Variants in RHBDF2 observed in about 807,000 individuals in gnomAD.
The protein encoded by RHBDF2 is inactive rhomboid protein 2.
Under a neutral mutation model 95.2 loss-of-function variants are expected in RHBDF2, and 38 were observed. That is an observed-to-expected ratio of 0.40 (90% CI 0.31 to 0.52). The LOEUF (loss-of-function observed/expected upper bound fraction) is 0.52. Among genes scored for constraint, RHBDF2 ranks in the 20% least tolerant of loss-of-function variants. The probability of loss-of-function intolerance (pLI) is 0.56; values close to 1 mark genes in which losing one functional copy is unlikely to be tolerated. For missense variants in RHBDF2, 863 were observed against 1,137.7 expected, an observed-to-expected ratio of 0.76 and a Z score of 3.47; for synonymous variants, 442 against 462.0, an observed-to-expected ratio of 0.96 and a Z score of 0.55.
chr17:76,471,783 C>T lies in RHBDF2; in HGVS notation c.2334G>A (p.Val778=). Reference sequence around the variant, plus strand: ...AGAGGCCGGCAAAGGCCAGCAGTGACACCAGGATGAGTGCCCGCTTGCGGT... The same window carrying T: ...AGAGGCCGGCAAAGGCCAGCAGTGATACCAGGATGAGTGCCCGCTTGCGGT... ...DKYRKRALIL[V]SLLAFAGLFA... is the part of the protein sequence containing the mutation. The change falls in exon 19 of 19, where the codon GTG becomes GTA. Residue 778 remains valine (V), a synonymous_variant. Transcript: ENST00000675367. The T allele has an allele frequency of 1.2e-6, 2 of 1,608,396 alleles. No individual in the cohort carries two copies. The highest frequency in any genetic ancestry group is 1.7e-5 in the Admixed American group (1 of 59,038).
At chr17:76,481,273 C>T in intron 3 of RHBDF2, 102 bp downstream of exon 3, 1 of 1,355,594 alleles carries the variant, frequency 7.4e-7, no homozygotes, top group South Asian at 1.3e-5. Context: ...AGCTGTGGCT[C>T]AGGAAGGAGC....
intron 2 of RHBDF2, chr17:76,481,774 GAAACCCCGTCTCTACTAA>G (rs1002214820): frequency 5.2e-5 from 17 of 329,764 alleles, no homozygotes; most frequent in Non-Finnish European, 9.2e-5. Flanking sequence ...CCAACATGGT[GAAACCCCGTCTCTACTAA>G]AAATACAAAA....
Position 76,474,121 on chromosome 17 carries a change from T to TG in RHBDF2, c.1485dup (p.Lys496GlnfsTer5). 6.3e-7 allele frequency: 1 copy of TG among 1,591,044 alleles called. No homozygotes were observed. ...GGGGGCCCAGTGTCATCCTGCCACT[T>TG]GACAAAAGTGGCCAAAGTCTCCTGG... On this transcript the variant is annotated frameshift_variant, in exon 13 of 19. Transcript: ENST00000675367. LOFTEE classifies it high-confidence loss of function.
At chr17:76,484,731 C>T (rs2074072360) in intron 2 of RHBDF2, among the ~76,000 whole-genome samples, 1 of 152,308 alleles carries the variant, frequency 6.6e-6, no homozygotes, top group South Asian at 2.1e-4. Flanking sequence ...GACCTCTCTT[C>T]GTCTCTTCCT....
In RHBDF2 at chr17:76,474,440, C is replaced by T. The variant is rs760515370; in HGVS notation, c.1397G>A (p.Arg466Gln). Residue 466 changes from arginine (R) to glutamine (Q), a missense_variant, in exon 12 of 19, where the codon CGG becomes CAG. Arg to Gln is a conservative substitution (Grantham distance 43). Coordinates refer to ENST00000675367, the MANE Select transcript of RHBDF2 (RefSeq NM_001005498.4). ...QLVLRERDLE[R>Q]DSGCCVQNDH... ...ATTCTGGACACAGCAGCCTGAGTCCCGCTCCAGGTCTCGCTCGCGCAGCAC... is the reference window on the plus strand; with the variant it reads ...ATTCTGGACACAGCAGCCTGAGTCCTGCTCCAGGTCTCGCTCGCGCAGCAC... 6.3e-5 allele frequency: 102 copies of T among 1,613,928 alleles called. No individual in the cohort carries two copies. Among genetic ancestry groups the T allele is most frequent in the Non-Finnish European group, 7.9e-5 (93 of 1,179,992 alleles).
chr17:76,475,282 C>T (rs2073734437), intron 9 of RHBDF2, 141 bp from the exon 10 acceptor site: 1 of 613,616 alleles, frequency 1.6e-6, no homozygotes, highest in Admixed American at 2.8e-5. Context: ...ACCAGAGGAA[C>T]TTTTAAGACG....
chr17:76,498,938 C>T (rs1470295224), intron 1 of RHBDF2, among the ~76,000 whole-genome samples: 1 of 151,436 alleles, frequency 6.6e-6, no homozygotes, highest in Non-Finnish European at 1.5e-5. Context: ...AGGGTTTGTT[C>T]GTGGGGCTCT....
At chr17:76,491,497 G>A (rs374721111) in intron 1 of RHBDF2, among the ~76,000 whole-genome samples, 26 of 152,200 alleles carry the variant, frequency 1.7e-4, no homozygotes, top group African/African-American at 5.8e-4. Context: ...GGGCGGGTGG[G>A]CATGTCTTCC....
intron 12 of RHBDF2, 78 bp downstream of exon 12, chr17:76,474,295 T>C: frequency 6.6e-7 from 1 of 1,526,468 alleles, no homozygotes; most frequent in South Asian, 1.1e-5. Flanking sequence ...ACGTGGTCAC[T>C]GCCCTTGAAG....
intron 1 of RHBDF2, among the ~76,000 whole-genome samples, chr17:76,498,078 G>A (rs369379830): frequency 6.6e-6 from 1 of 152,092 alleles, no homozygotes; most frequent in Non-Finnish European, 1.5e-5. Context: ...TGTACTTCCC[G>A]GAAGATGTGT....
chr17:76,487,513 A>C (rs1173320381), intron 2 of RHBDF2, 199 bp downstream of exon 2: 1 of 152,172 alleles, frequency 6.6e-6, no homozygotes, highest in Non-Finnish European at 1.5e-5. Flanking sequence ...GGCCTCCCAA[A>C]ATGCTGGGAT....
chr17:76,480,867 CTG>C (rs1004620250), intron 3 of RHBDF2, among the ~76,000 whole-genome samples: 1 of 152,228 alleles, frequency 6.6e-6, no homozygotes, highest in African/African-American at 2.4e-5. Context: ...ATACTCCAGA[CTG>C]TGCAGGAAGC....
At position 76,481,507 on chromosome 17, in the gene RHBDF2, C is replaced by T. The variant is rs1172410411; in HGVS notation, c.18G>A (p.Lys6=). Residue 6 remains lysine, a synonymous_variant, in exon 3 of 19, where the codon AAG becomes AAA. Transcript: ENST00000675367. MASAD[K]NGGSVSSVSS... Reference sequence around the variant, plus strand: ...ACACAGAGGACACGCTCCCGCCATTCTTGTCAGCAGAGGCCATTGTGGGCA... The same window carrying T: ...ACACAGAGGACACGCTCCCGCCATTTTTGTCAGCAGAGGCCATTGTGGGCA... The T allele has an allele frequency of 7.5e-6, 12 of 1,610,560 alleles. No homozygotes were observed. The highest frequency in any genetic ancestry group is 9.3e-6 in the Non-Finnish European group (11 of 1,179,810).
intron 1 of RHBDF2, among the ~76,000 whole-genome samples, chr17:76,497,237 C>A (rs1162603878): frequency 1.3e-5 from 2 of 152,090 alleles, no homozygotes; most frequent in Non-Finnish European, 2.9e-5. Context: ...GCAGCTTTAC[C>A]CTGCTCCCAG....
At chr17:76,498,067 T>C (rs1430749723) in intron 1 of RHBDF2, among the ~76,000 whole-genome samples, 1 of 152,110 alleles carries the variant, frequency 6.6e-6, no homozygotes, top group East Asian at 1.9e-4. Flanking sequence ...CGGTGGCGCT[T>C]TGTACTTCCC....
intron 17 of RHBDF2, 50 bp downstream of exon 17, chr17:76,472,955 T>C (rs1394030430): frequency 6.2e-7 from 1 of 1,604,462 alleles, no homozygotes; most frequent in African/African-American, 1.3e-5. Context: ...GGGGTCCGGC[T>C]GGGTGGCCAT....
Position 76,480,051 on chromosome 17 carries a change from G to GTGTATATATA in RHBDF2, c.151-198_151-197insTATATATACA, listed in dbSNP as rs1363176782. On this transcript the variant is annotated intron_variant, in intron 3 of 18. Transcript: ENST00000675367. The stretch of plus-strand genomic sequence containing the variant: ...TGTGTGTGTGTGTGTGTTTGTATAT[G>GTGTATATATA]TATATATATATATATATATATTTTT... 3.5e-4 allele frequency: 14 copies of GTGTATATATA among 39,890 alleles called. 1 individual carries two copies. Among genetic ancestry groups the GTGTATATATA allele is most frequent in the Non-Finnish European group, 6.0e-4 (12 of 19,992 alleles). 2.5% of individuals were successfully genotyped at this position (39,890 alleles called of 1,614,324 possible). A position where few individuals can be genotyped will look rare whatever the true frequency, so the allele number is the denominator to read the frequency against.
Position 76,481,416 on chromosome 17 carries a change from C to A in RHBDF2, c.109G>T (p.Glu37Ter). The change falls in exon 3 of 19, where the codon GAG (glutamate) becomes TAG (stop). Residue 37 changes from glutamate (E) to a stop codon, truncating the protein, a stop_gained. Transcript: ENST00000675367. LOFTEE classifies it high-confidence loss of function. ...TCCTGCTCGCCAGGGGCCTGGGTCT[C>A]TTTCTCGGGTGGCGGGATGGTGATG... ...LSITIPPPEK[E>*]TQAPGEQDSM... The A allele has an allele frequency of 6.2e-7, 1 of 1,612,872 alleles. No homozygotes were observed. The highest frequency in any genetic ancestry group is 8.5e-7 in the Non-Finnish European group (1 of 1,179,998).
chr17:76,487,299 A>T (rs12450269), intron 2 of RHBDF2: 11,078 of 148,638 alleles, frequency 0.075, 538 homozygotes, highest in Middle Eastern at 0.11. Flanking sequence ...CCCAGGCTGG[A>T]GTGCAGTGGC....
Sources: allele counts gnomAD v4.1 joint callset (sites outside exome capture counted in the v4.1 genomes callset), GRCh38; gene constraint gnomAD v4.1.1; transcripts MANE v1.5; gene names NCBI Gene and HGNC (gene_info 2026-07-23, HGNC 2026-07-21).